ERICH6: variants seen among roughly 807,000 people sequenced by gnomAD.
The protein encoded by ERICH6 is glutamate-rich protein 6.
A neutral mutation model predicts 71.0 loss-of-function variants in ERICH6; 71 were observed. The observed-to-expected ratio is 1.00, with a 90% CI of 0.83 to 1.22. The LOEUF is 1.22. Among genes scored for constraint, ERICH6 ranks in the 50% most tolerant of loss-of-function variants. The pLI is 0.00. For missense variants in ERICH6, 808 were observed against 797.2 expected (o/e 1.01, Z -0.16); for synonymous variants, 262 against 278.4 (o/e 0.94, Z 0.59).
intron 13 of ERICH6, among the ~76,000 whole-genome samples, chr3:150,665,911 A>G (rs900054570): frequency 1.9e-4 from 28 of 151,324 alleles, no homozygotes; most frequent in Non-Finnish European, 4.4e-5. Context: ...TATATGTGTT[A>G]TTTATGTATA....
At position 150,683,996 on chromosome 3, in the gene ERICH6, C is replaced by T. The variant is rs185033858; in HGVS notation, c.784-1680G>A. 2.5e-3 allele frequency among the ~76,000 whole-genome samples: 379 copies of T among 152,324 alleles called. 1 individual carries two copies. Among genetic ancestry groups the T allele is most frequent in the African/African-American group, 8.7e-3 (362 of 41,566 alleles). ...CCGCAAGGCCTTCCCCATGGTAAGACCCATCTCTGGGTGTTGCGGGAGGCG... is the reference window on the plus strand; with the variant it reads ...CCGCAAGGCCTTCCCCATGGTAAGATCCATCTCTGGGTGTTGCGGGAGGCG... On this transcript the variant is annotated intron_variant, in intron 6 of 13. Transcript: ENST00000295910.
rs375398154 is a variant in ERICH6, at chr3:150,660,192, C to G, written c.1729-37G>C. On this transcript the variant is annotated intron_variant, in intron 13 of 13. Transcript: ENST00000295910. The stretch of plus-strand genomic sequence containing the variant: ...AGAGAAAGAGAAGGAAACTCAGAGT[C>G]CAGAAGTGGAACTGGGGAGGTGGGA... The G allele has an allele frequency of 3.1e-6, 5 of 1,597,162 alleles. No individual in the cohort carries two copies. In the South Asian group the frequency reaches 5.6e-5, roughly 18 times the overall value.
intron 13 of ERICH6, among the ~76,000 whole-genome samples, chr3:150,662,822 C>A (rs1049623750): frequency 6.6e-6 from 1 of 152,014 alleles, no homozygotes; most frequent in Non-Finnish European, 1.5e-5. Flanking sequence ...AAGGACGCTG[C>A]GCAGAAGCCT....
chr3:150,661,626 A>T (rs1727227287), intron 13 of ERICH6, among the ~76,000 whole-genome samples: 1 of 152,224 alleles, frequency 6.6e-6, no homozygotes, highest in Non-Finnish European at 1.5e-5. Context: ...ATTGTTAAGG[A>T]AGAAAAACAA....
At chr3:150,675,765 G>T (rs566901324) in intron 10 of ERICH6, among the ~76,000 whole-genome samples, 1 of 150,918 alleles carries the variant, frequency 6.6e-6, no homozygotes, top group East Asian at 2.0e-4. Context: ...TATTGTTGCT[G>T]TTGGGAGGTC....
At chr3:150,679,858 A>C (rs1711826983) in intron 9 of ERICH6, among the ~76,000 whole-genome samples, 1 of 152,156 alleles carries the variant, frequency 6.6e-6, no homozygotes, top group East Asian at 1.9e-4. Flanking sequence ...GGGTTTCACT[A>C]TGTTGGCCAG....
In ERICH6 at chr3:150,680,487, C is replaced by T; in HGVS notation, c.1092G>A (p.Gln364=). 6.2e-7 allele frequency: 1 copy of T among 1,614,218 alleles called. No individual in the cohort carries two copies. The highest frequency in any genetic ancestry group is 1.1e-5 in the South Asian group (1 of 91,078). ...ACTCACCATCTTCAGAGAAATGAGT[C>T]TGTTCCCTTGATATTATTGCAAAAT... The part of the protein sequence containing the change: ...ARHFAIISRE[Q]THFSEDDSKR... The change falls in exon 9 of 14, where the codon CAG becomes CAA. Residue 364 remains glutamine (Q), a synonymous_variant. Coordinates refer to ENST00000295910, the MANE Select transcript of ERICH6 (RefSeq NM_152394.5).
chr3:150,683,438 C>G (rs539162864), intron 6 of ERICH6, among the ~76,000 whole-genome samples: 1 of 152,226 alleles, frequency 6.6e-6, no homozygotes, highest in African/African-American at 2.4e-5. Context: ...TCACCCTCAG[C>G]TAGGGGTGAA....
intron 3 of ERICH6, among the ~76,000 whole-genome samples, chr3:150,687,105 G>A (rs536960903): frequency 5.9e-5 from 9 of 152,324 alleles, no homozygotes; most frequent in East Asian, 1.9e-4. Context: ...GTACTCCAAC[G>A]TGGGCTACCA....
chr3:150,698,683 T>G, intron 3 of ERICH6, 108 bp downstream of exon 3: 1 of 832,876 alleles, frequency 1.2e-6, no homozygotes, highest in Admixed American at 2.1e-5. Context: ...AAGGTTAGTA[T>G]GTGTTGGGGC....
chr3:150,662,925 G>C (rs1727275847), intron 13 of ERICH6, among the ~76,000 whole-genome samples: 1 of 152,156 alleles, frequency 6.6e-6, no homozygotes. Flanking sequence ...ACAGGAACAT[G>C]CCTGATATTT....
chr3:150,700,920 G>A (rs989179954), intron 2 of ERICH6, among the ~76,000 whole-genome samples: 1 of 152,124 alleles, frequency 6.6e-6, no homozygotes. Context: ...TATAGACATA[G>A]GATTATATTT....
intron 9 of ERICH6, among the ~76,000 whole-genome samples, chr3:150,679,575 T>G (rs150054183): frequency 6.6e-6 from 1 of 152,344 alleles, no homozygotes; most frequent in African/African-American, 2.4e-5. Flanking sequence ...CTTCTGATTC[T>G]AAACTCAGTG....
At chr3:150,673,248 C>T (rs536575367) in intron 11 of ERICH6, among the ~76,000 whole-genome samples, 1 of 151,738 alleles carries the variant, frequency 6.6e-6, no homozygotes, top group East Asian at 1.9e-4. Context: ...AGTGCAGTGG[C>T]ATGATGATGG....
intron 10 of ERICH6, among the ~76,000 whole-genome samples, chr3:150,675,858 CTTT>C (rs75713453): frequency 3.8e-5 from 5 of 130,926 alleles, no homozygotes; most frequent in Admixed American, 7.7e-5. Context: ...TCTTTCTTTC[CTTT>C]TTTTTTTTTT....
At chr3:150,675,349 C>A (rs1194628299) in intron 10 of ERICH6, among the ~76,000 whole-genome samples, 3 of 151,958 alleles carry the variant, frequency 2.0e-5, no homozygotes, top group African/African-American at 7.3e-5. Context: ...TTATCTTTAT[C>A]TCACACTTTT....
In ERICH6 at chr3:150,678,480, C is replaced by T. The variant is rs1711748648; in HGVS notation, c.1186G>A (p.Val396Ile). ...CTGTTTCTTAGTTGAAAATCAAATA[C>T]AATGTCATCAATTATCTGTTTTTCT... ...IPEKQIIDDI[V>I]FDFQLRNSNM... The change falls in exon 10 of 14, where the codon GTA becomes ATA. Residue 396 changes from valine to isoleucine, a missense_variant. Physicochemically the swap from Val to Ile is conservative, Grantham distance 29. This residue lies in a region of ERICH6 where 736 missense variants were observed against 712.2 expected (regional missense o/e 1.03). Transcript: ENST00000295910. 1.9e-6 allele frequency: 3 copies of T among 1,602,966 alleles called. No individual in the cohort carries two copies. Among genetic ancestry groups the T allele is most frequent in the Admixed American group, 1.8e-5 (1 of 56,778 alleles).
chr3:150,702,000 C>T, intron 2 of ERICH6, 121 bp downstream of exon 2: 1 of 703,992 alleles, frequency 1.4e-6, no homozygotes, highest in South Asian at 1.8e-5. Flanking sequence ...TTAAAAAAAA[C>T]TTTTTAAAAT....
intron 2 of ERICH6, among the ~76,000 whole-genome samples, chr3:150,700,223 C>T (rs893396276): frequency 1.3e-5 from 2 of 149,670 alleles, no homozygotes; most frequent in South Asian, 2.1e-4. Flanking sequence ...TATAGGCGTC[C>T]GCCACCATGC....
Sources: gnomAD v4.1 joint callset for allele counts (sites outside exome capture counted in the v4.1 genomes callset) on GRCh38, gnomAD v4.1.1 for gene constraint, gnomAD v4.1.1 regional missense constraint, MANE v1.5 for transcripts, NCBI Gene and HGNC (gene_info 2026-07-23, HGNC 2026-07-21) for gene names.